The following ACCSL variants were observed in gnomAD, a reference collection of about 807,000 sequenced individuals.
The protein encoded by ACCSL is 1-aminocyclopropane-1-carboxylate synthase homolog (inactive) like.
A neutral mutation model predicts 61.7 loss-of-function variants in ACCSL; 55 were observed. The ratio of observed to expected loss-of-function variants is 0.89; its 90% CI spans 0.72 to 1.12. ACCSL has a LOEUF of 1.12. Ranked by LOEUF, ACCSL falls within the 50% of genes most tolerant of loss-of-function variation. The pLI is 0.00. For missense variants in ACCSL, 632 were observed against 698.0 expected, an observed-to-expected ratio of 0.91 and a Z score of 1.07; for synonymous variants, 258 against 264.3, an observed-to-expected ratio of 0.98 and a Z score of 0.23.
At chr11:44,003,069 T>C in the ACCSL span, among the ~76,000 whole-genome samples, 3 of 152,224 alleles carry the variant, frequency 2.0e-5, no homozygotes, top group African/African-American at 7.2e-5. Context: ...TCTGAAATAT[T>C]TCATAATGAA....
the ACCSL span, among the ~76,000 whole-genome samples, chr11:43,929,408 TTTATTTTAC>T: frequency 6.6e-6 from 1 of 152,084 alleles, no homozygotes; most frequent in Non-Finnish European, 1.5e-5. Context: ...TATTTATTTA[TTTATTTTAC>T]TTTATTTTGA....
chr11:44,051,943 G>C (rs772845582), intron 5 of ACCSL, among the ~76,000 whole-genome samples: 3 of 152,214 alleles, frequency 2.0e-5, no homozygotes, highest in Non-Finnish European at 4.4e-5. Flanking sequence ...CCTCAAGGAG[G>C]TATGCCCCAG....
the ACCSL span, among the ~76,000 whole-genome samples, chr11:43,957,570 A>G: frequency 0.14 from 21,618 of 152,120 alleles, 1,781 homozygotes; most frequent in East Asian, 0.25. Context: ...AGGGAAGGAG[A>G]TTCTCTATAG....
chr11:43,938,541 C>T, the ACCSL span, among the ~76,000 whole-genome samples: 2 of 152,202 alleles, frequency 1.3e-5, no homozygotes, highest in East Asian at 1.9e-4. Context: ...CAGTGACTCA[C>T]GCCTGTAATC....
the ACCSL span, among the ~76,000 whole-genome samples, chr11:43,972,025 A>G: frequency 6.6e-6 from 1 of 152,192 alleles, no homozygotes; most frequent in Non-Finnish European, 1.5e-5. Flanking sequence ...GCTCTGAGAA[A>G]ACAGCATGTC....
chr11:44,023,488 G>A, the ACCSL span, among the ~76,000 whole-genome samples: 3 of 151,884 alleles, frequency 2.0e-5, no homozygotes, highest in African/African-American at 7.2e-5. Flanking sequence ...CTGTATGATT[G>A]GTACTCATGT....
At chr11:43,938,190 C>T in the ACCSL span, among the ~76,000 whole-genome samples, 4 of 152,104 alleles carry the variant, frequency 2.6e-5, no homozygotes, top group African/African-American at 7.2e-5. Flanking sequence ...GCCCTGGCAG[C>T]GGAGGAGGTT....
chr11:44,022,539 A>T, the ACCSL span, among the ~76,000 whole-genome samples: 1 of 152,154 alleles, frequency 6.6e-6, no homozygotes. Context: ...TTTTCTAGGC[A>T]TACGATCATA....
chr11:44,020,874 T>A, the ACCSL span, among the ~76,000 whole-genome samples: 1 of 152,268 alleles, frequency 6.6e-6, no homozygotes, highest in East Asian at 1.9e-4. Flanking sequence ...TGAGAACATA[T>A]AATGTTTGGT....
At chr11:43,928,569 G>T in the ACCSL span, among the ~76,000 whole-genome samples, 1,312 of 152,276 alleles carry the variant, frequency 8.6e-3, 8 homozygotes, top group South Asian at 0.033. Flanking sequence ...GAGGATCGCT[G>T]CCTCCCTTGG....
chr11:44,017,375 A>T, the ACCSL span, among the ~76,000 whole-genome samples: 1 of 152,090 alleles, frequency 6.6e-6, no homozygotes, highest in African/African-American at 2.4e-5. Context: ...GGGCATTCAC[A>T]TTGTGATCTC....
At chr11:43,954,909 G>A in the ACCSL span, among the ~76,000 whole-genome samples, 2 of 152,106 alleles carry the variant, frequency 1.3e-5, no homozygotes, top group Non-Finnish European at 2.9e-5. Flanking sequence ...TACATGTGGT[G>A]ACAAAGAAAA....
the ACCSL span, among the ~76,000 whole-genome samples, chr11:44,027,007 C>A: frequency 6.6e-6 from 1 of 152,180 alleles, no homozygotes; most frequent in Non-Finnish European, 1.5e-5. Context: ...GGATTACAGG[C>A]GTGAGCCACC....
chr11:43,969,623 G>GACTC, the ACCSL span, among the ~76,000 whole-genome samples: 3 of 151,816 alleles, frequency 2.0e-5, no homozygotes, highest in Non-Finnish European at 2.9e-5. Context: ...CTGGGTCAGT[G>GACTC]ACTCCCGGGT....
chr11:44,048,495 C>T lies in ACCSL; in HGVS notation c.459C>T (p.Tyr153=), dbSNP rs1481124356. Residue 153 remains tyrosine (Y), a synonymous_variant, in exon 1 of 14, where the codon TAC becomes TAT. Coordinates refer to ENST00000378832, the MANE Select transcript of ACCSL (RefSeq NM_001031854.2). ...TTTATCAGTCGAGCTTCCAGGACTA[C>T]AATGCCTACCAAAAAGATAAATATC... ...SVFYQSSFQD[Y]NAYQKDKYHK... The T allele has an allele frequency of 1.2e-6, 2 of 1,604,822 alleles. No individual in the cohort carries two copies. The highest frequency in any genetic ancestry group is 1.7e-6 in the Non-Finnish European group (2 of 1,179,074).
chr11:44,038,497 C>T, the ACCSL span, among the ~76,000 whole-genome samples: 1 of 152,158 alleles, frequency 6.6e-6, no homozygotes, highest in East Asian at 1.9e-4. Flanking sequence ...GGGCAAGCCT[C>T]TGACAGGGCT....
chr11:44,015,008 C>T, the ACCSL span, among the ~76,000 whole-genome samples: 1 of 152,202 alleles, frequency 6.6e-6, no homozygotes, highest in Non-Finnish European at 1.5e-5. Context: ...TGCAGGGGCA[C>T]CCAGGAGCCA....
chr11:43,933,428 G>T, the ACCSL span: 1 of 257,486 alleles, frequency 3.9e-6, no homozygotes, highest in East Asian at 8.4e-5. Flanking sequence ...GTGTGACCTT[G>T]GTCTTGTTCC....
At chr11:44,028,974 T>G in the ACCSL span, among the ~76,000 whole-genome samples, 2 of 152,232 alleles carry the variant, frequency 1.3e-5, no homozygotes, top group Non-Finnish European at 1.5e-5. Flanking sequence ...TCCTGTAGGC[T>G]TGACCTCCAC....
Sources: allele counts gnomAD v4.1 joint callset (sites outside exome capture counted in the v4.1 genomes callset), GRCh38; gene constraint gnomAD v4.1.1; transcripts MANE v1.5; gene names NCBI Gene and HGNC (gene_info 2026-07-23, HGNC 2026-07-21).